Variants in UGT1A5 observed in about 807,000 individuals in gnomAD.
The protein encoded by UGT1A5 is UDP-glucuronosyltransferase 1A5.
A neutral mutation model predicts 40.3 loss-of-function variants in UGT1A5; 29 were observed. The observed-to-expected ratio is 0.72, with a 90% CI of 0.54 to 0.98. UGT1A5 has a LOEUF of 0.98. Ranked by LOEUF, UGT1A5 falls within the 50% of genes least tolerant of loss-of-function variation. UGT1A5 has a pLI of 0.00. For synonymous variants in UGT1A5, 257 were observed against 262.5 expected (o/e 0.98, Z 0.20); for missense variants, 678 against 677.9 (o/e 1.00, Z 0.00).
chr2:233,757,555 T>TATATATATATATACATATAC, intron 1 of UGT1A5, among the ~76,000 whole-genome samples: 3 of 125,180 alleles, frequency 2.4e-5, no homozygotes, highest in Non-Finnish European at 3.3e-5. Flanking sequence ...TATATATATA[T>TATATATATATATACATATAC]ATATATGTAT....
At chr2:233,764,324 A>C (rs1432372938) in intron 1 of UGT1A5, among the ~76,000 whole-genome samples, 1 of 152,154 alleles carries the variant, frequency 6.6e-6, no homozygotes, top group Non-Finnish European at 1.5e-5. Context: ...AGCTTTGCCA[A>C]GTAGGGGATG....
intron 1 of UGT1A5, chr2:233,748,051 A>C: frequency 6.2e-7 from 1 of 1,613,438 alleles, no homozygotes. Context: ...GGGGGCATCA[A>C]CTGTGCCAAC....
chr2:233,726,396 T>C (rs1359821142), intron 1 of UGT1A5, among the ~76,000 whole-genome samples: 1 of 152,226 alleles, frequency 6.6e-6, no homozygotes, highest in Admixed American at 6.5e-5. Context: ...TCTCATAGTC[T>C]TTTGATGTCA....
intron 1 of UGT1A5, chr2:233,743,892 C>A (rs1369437404): frequency 1.5e-6 from 2 of 1,366,886 alleles, no homozygotes; most frequent in Non-Finnish European, 2.0e-6. Flanking sequence ...CGGGGCACGT[C>A]CAGCACCTCG....
intron 1 of UGT1A5, among the ~76,000 whole-genome samples, chr2:233,737,492 C>T (rs1256761021): frequency 6.6e-6 from 1 of 152,202 alleles, no homozygotes; most frequent in Non-Finnish European, 1.5e-5. Flanking sequence ...AAAGGGAAAT[C>T]CCTCACCCTC....
At chr2:233,714,395 G>A (rs2076384323) in intron 1 of UGT1A5, among the ~76,000 whole-genome samples, 1 of 152,148 alleles carries the variant, frequency 6.6e-6, no homozygotes, top group African/African-American at 2.4e-5. Context: ...GGCCAATGTA[G>A]GTGCAATGGA....
chr2:233,767,826 T>C (rs1204368520), intron 2 of UGT1A5, 23 bp from the exon 3 acceptor site: 5 of 1,614,208 alleles, frequency 3.1e-6, no homozygotes, highest in South Asian at 2.2e-5. Flanking sequence ...TTCTTTACGT[T>C]CTGCTCTTTT....
chr2:233,768,242 TATCACCC>T lies in UGT1A5; in HGVS notation c.1113_1119del (p.Ile371MetfsTer18), dbSNP rs1699593680. On this transcript the variant is annotated frameshift_variant, in exon 4 of 5. Transcript: ENST00000373414. LOFTEE classifies it high-confidence loss of function. ...CAGGTCACCCGATGACCCGTGCCTT[TATCACCC>T]ATGCTGGTTCCCATGGTGTTTATGA... 2 of 1,614,112 alleles carry T rather than the reference TATCACCC, an allele frequency of 1.2e-6. No individual in the cohort carries two copies. The highest frequency in any genetic ancestry group is 1.7e-5 in the Admixed American group (1 of 60,004).
intron 1 of UGT1A5, among the ~76,000 whole-genome samples, chr2:233,741,289 C>T (rs1426426367): frequency 2.6e-5 from 4 of 151,770 alleles, no homozygotes; most frequent in African/African-American, 7.3e-5. Context: ...GATTTATGTA[C>T]CCAATTGTGT....
In UGT1A5 at chr2:233,767,937, G is replaced by T. The variant is rs587784535; in HGVS notation, c.1087+1G>T. Reference sequence around the variant, plus strand: ...TGGCTACCCCAAAACGATCTGCTTGGTATGTTGGGCGGATTGGATGTATAG... The same window carrying T: ...TGGCTACCCCAAAACGATCTGCTTGTTATGTTGGGCGGATTGGATGTATAG... On this transcript the variant is annotated splice_donor_variant, in intron 3 of 4. Coordinates refer to ENST00000373414, the MANE Select transcript of UGT1A5 (RefSeq NM_019078.2). LOFTEE classifies it high-confidence loss of function. 5 of 1,614,210 alleles carry T rather than the reference G, an allele frequency of 3.1e-6. No individual in the cohort carries two copies. The highest frequency in any genetic ancestry group is 4.2e-6 in the Non-Finnish European group (5 of 1,180,052).
At chr2:233,747,731 G>A in intron 1 of UGT1A5, 1 of 1,612,808 alleles carries the variant, frequency 6.2e-7, no homozygotes, top group South Asian at 1.1e-5. Flanking sequence ...TGTTTTTTTT[G>A]AGGAACATTC....
chr2:233,755,316 A>C, intron 1 of UGT1A5: 1 of 530,882 alleles, frequency 1.9e-6, no homozygotes, highest in Admixed American at 3.3e-5. Context: ...GCGAGCGGCA[A>C]GGCTGCCAGC....
chr2:233,763,565 C>A (rs1354806563), intron 1 of UGT1A5, among the ~76,000 whole-genome samples: 1 of 152,164 alleles, frequency 6.6e-6, no homozygotes, highest in Admixed American at 6.5e-5. Context: ...AGTTACTGTT[C>A]TTATTTTCTC....
chr2:233,772,882 T>C lies in UGT1A5; in HGVS notation c.*323T>C. 1.8e-6 allele frequency: 1 copy of C among 558,640 alleles called. No homozygotes were observed. Among genetic ancestry groups the C allele is most frequent in the Non-Finnish European group, 2.8e-6 (1 of 359,816 alleles). The allele number at this position is 558,640 out of a possible 1,614,324, so 34.6% of individuals were successfully genotyped here. ...CATGGCCTGTTTGGGAGTGCGGGAT[T>C]CAAAGGTGGTCCCACGGCTGCCCCT... On this transcript the variant is annotated 3_prime_UTR_variant, in exon 5 of 5. Transcript: ENST00000373414.
In UGT1A5 at chr2:233,743,065, G is replaced by A. The variant is rs916889730; in HGVS notation, c.868-23969G>A. Reference sequence around the variant, plus strand: ...CCGTGTAGTCCCAACGATAAGAACAGGTGTTGGCATGAAGTGTTTATAAAT... The same window carrying A: ...CCGTGTAGTCCCAACGATAAGAACAAGTGTTGGCATGAAGTGTTTATAAAT... On this transcript the variant is annotated intron_variant, in intron 1 of 4. Coordinates refer to ENST00000373414, the MANE Select transcript of UGT1A5 (RefSeq NM_019078.2). 1.2e-5 allele frequency: 4 copies of A among 339,690 alleles called. No homozygotes were observed. The Admixed American group carries it at 1.2e-4, about 10-fold the overall frequency. The allele number at this position is 339,690 out of a possible 1,614,324, so 21.0% of individuals were successfully genotyped here.
At chr2:233,735,488 T>C (rs1165192610) in intron 1 of UGT1A5, among the ~76,000 whole-genome samples, 1 of 152,208 alleles carries the variant, frequency 6.6e-6, no homozygotes, top group African/African-American at 2.4e-5. Flanking sequence ...TGTTTTTTAA[T>C]TGCAGCATTT....
chr2:233,770,293 A>G (rs1284543381), intron 4 of UGT1A5: 4 of 152,108 alleles, frequency 2.6e-5, no homozygotes, highest in African/African-American at 9.7e-5. Flanking sequence ...GAAGTGGAAA[A>G]TTTTCAAACA....
At position 233,772,364 on chromosome 2, in the gene UGT1A5, G is replaced by A. The variant is rs2126066742; in HGVS notation, c.1410G>A (p.Lys470=). The A allele has an allele frequency of 6.2e-7, 1 of 1,614,266 alleles. No homozygotes were observed. Among genetic ancestry groups the A allele is most frequent in the Non-Finnish European group, 8.5e-7 (1 of 1,180,054 alleles). ...VFWVEFVMRH[K]GAPHLRPAAH... is the part of the protein sequence containing the mutation. ...GGGTGGAGTTTGTGATGAGGCACAAGGGCGCGCCACACCTGCGCCCCGCAG... is the reference window on the plus strand; with the variant it reads ...GGGTGGAGTTTGTGATGAGGCACAAAGGCGCGCCACACCTGCGCCCCGCAG... The change falls in exon 5 of 5, where the codon AAG becomes AAA. Residue 470 remains lysine, a synonymous_variant. Transcript: ENST00000373414.
chr2:233,729,264 G>T (rs921669787), intron 1 of UGT1A5: 3 of 1,614,004 alleles, frequency 1.9e-6, no homozygotes, highest in Admixed American at 1.7e-5. Flanking sequence ...GCATGCGGGA[G>T]GTCTTGCGGG....
Sources: allele counts gnomAD v4.1 joint callset (sites outside exome capture counted in the v4.1 genomes callset), GRCh38; gene constraint gnomAD v4.1.1; transcripts MANE v1.5; gene names NCBI Gene and HGNC (gene_info 2026-07-23, HGNC 2026-07-21).